Variants in ERC1 observed in about 807,000 individuals in gnomAD.
ERC1 encodes ELKS/RAB6-interacting/CAST family member 1.
In ERC1, 56 loss-of-function variants were observed where a neutral mutation model predicts 132.0. The ratio of observed to expected loss-of-function variants is 0.42; its 90% CI spans 0.34 to 0.53. The LOEUF is 0.53. ERC1 is among the 20% of genes least tolerant of loss of function. ERC1 has a pLI of 0.03. For synonymous variants in ERC1, 478 were observed against 476.1 expected (o/e 1.00, Z -0.05); for missense variants, 1,202 against 1,349.9 (o/e 0.89, Z 1.72).
intron 2 of ERC1, among the ~76,000 whole-genome samples, chr12:1,065,498 G>GTGTGTGTA (rs1938971098): frequency 7.0e-6 from 1 of 142,584 alleles, no homozygotes; most frequent in Admixed American, 8.3e-5. Context: ...GTGTGTGTGT[G>GTGTGTGTA]TGTGTGTGTG....
intron 2 of ERC1, among the ~76,000 whole-genome samples, chr12:1,033,567 G>A (rs1473262602): frequency 2.6e-5 from 4 of 151,742 alleles, no homozygotes; most frequent in Admixed American, 6.6e-5. Flanking sequence ...GGGTTCAAGC[G>A]ATTCTTCTGC....
chr12:1,019,652 T>C (rs1966037532), intron 1 of ERC1, among the ~76,000 whole-genome samples: 1 of 152,180 alleles, frequency 6.6e-6, no homozygotes, highest in East Asian at 1.9e-4. Flanking sequence ...TGGAGAATCA[T>C]ATTAGAAGAT....
At chr12:1,230,382 A>G (rs2074937921) in intron 12 of ERC1, among the ~76,000 whole-genome samples, 1 of 152,098 alleles carries the variant, frequency 6.6e-6, no homozygotes, top group African/African-American at 2.4e-5. Flanking sequence ...TGTATTTGTG[A>G]ATTTTTAAAT....
rs1945692832 is a variant in ERC1, at chr12:1,110,134, T to C, written c.1162-58T>C. ...TGTAACTTCTTTAAATATCATGTTA[T>C]TCAGCTTTTCTGGGTTTTTGTGAAT... On this transcript the variant is annotated intron_variant, in intron 4 of 18. Coordinates refer to ENST00000360905, the MANE Select transcript of ERC1 (RefSeq NM_178040.4). 1.1e-5 allele frequency: 16 copies of C among 1,398,860 alleles called. No homozygotes were observed. In the South Asian group the frequency reaches 2.0e-4, roughly 18 times the overall value. The allele number at this position is 1,398,860 out of a possible 1,614,324, so 86.7% of individuals were successfully genotyped here.
chr12:1,190,638 C>A (rs1955625956), intron 12 of ERC1, among the ~76,000 whole-genome samples: 1 of 152,164 alleles, frequency 6.6e-6, no homozygotes, highest in Non-Finnish European at 1.5e-5. Flanking sequence ...TGTGTTTGAA[C>A]AGATCTAGGC....
At chr12:1,143,269 G>A (rs1950015409) in intron 8 of ERC1, among the ~76,000 whole-genome samples, 1 of 151,150 alleles carries the variant, frequency 6.6e-6, no homozygotes, top group Admixed American at 6.6e-5. Flanking sequence ...CTGGCCCTAA[G>A]CCATCTTCCC....
At chr12:1,091,440 G>A (rs184876632) in intron 3 of ERC1, among the ~76,000 whole-genome samples, 4 of 152,276 alleles carry the variant, frequency 2.6e-5, no homozygotes, top group African/African-American at 9.6e-5. Flanking sequence ...AGACCTCATA[G>A]GAAGGAGTTT....
At chr12:1,228,421 G>A (rs1003322706) in intron 12 of ERC1, among the ~76,000 whole-genome samples, 6 of 70,078 alleles carry the variant, frequency 8.6e-5, no homozygotes, top group African/African-American at 5.9e-4. Flanking sequence ...TACTATAATA[G>A]TTTTTAACAA....
At chr12:1,405,659 C>T (rs779559116) in intron 16 of ERC1, among the ~76,000 whole-genome samples, 13 of 152,116 alleles carry the variant, frequency 8.5e-5, no homozygotes, top group South Asian at 2.1e-4. Flanking sequence ...GCCAGGATCA[C>T]GCCATTGCAC....
intron 15 of ERC1, among the ~76,000 whole-genome samples, chr12:1,304,883 G>A (rs1460070976): frequency 7.4e-6 from 1 of 135,712 alleles, no homozygotes; most frequent in African/African-American, 2.7e-5. Flanking sequence ...TCCGCCTCCC[G>A]GGTTGACGCC....
intron 14 of ERC1, among the ~76,000 whole-genome samples, chr12:1,268,215 T>G (rs2077594961): frequency 6.6e-6 from 1 of 152,222 alleles, no homozygotes; most frequent in Non-Finnish European, 1.5e-5. Flanking sequence ...TTTTAGCAAT[T>G]TATTCTTTAC....
chr12:1,354,164 A>G (rs1276166618), intron 15 of ERC1, among the ~76,000 whole-genome samples: 1 of 151,956 alleles, frequency 6.6e-6, no homozygotes, highest in Non-Finnish European at 1.5e-5. Context: ...TCCTGATTGC[A>G]GGACTGTCAG....
At chr12:1,297,258 A>G (rs1331725621) in intron 15 of ERC1, among the ~76,000 whole-genome samples, 1 of 151,938 alleles carries the variant, frequency 6.6e-6, no homozygotes, top group African/African-American at 2.4e-5. Flanking sequence ...TCCTTTAAAA[A>G]CTAGGATTAA....
At chr12:1,305,833 A>G (rs2154347483) in intron 15 of ERC1, among the ~76,000 whole-genome samples, 1 of 152,110 alleles carries the variant, frequency 6.6e-6, no homozygotes, top group South Asian at 2.1e-4. Flanking sequence ...GATGGATTTG[A>G]TTGTTGCTTT....
intron 2 of ERC1, among the ~76,000 whole-genome samples, chr12:1,049,486 G>T (rs1971570365): frequency 6.6e-6 from 1 of 152,216 alleles, no homozygotes; most frequent in African/African-American, 2.4e-5. Context: ...GGGTGGTCTT[G>T]CTGTGGAGAT....
chr12:1,338,407 T>A lies in ERC1; in HGVS notation c.2781-33426T>A, dbSNP rs543021792. ...TCAGGTTGATTACATGTTTTTTCTT[T>A]GCTGGCTATTTTGTCTGTCAGCTCC... On this transcript the variant is annotated intron_variant, in intron 15 of 18. Coordinates refer to ENST00000360905, the MANE Select transcript of ERC1 (RefSeq NM_178040.4). 2.4e-3 allele frequency among the ~76,000 whole-genome samples: 363 copies of A among 152,356 alleles called. 5 individuals are homozygous for A. The highest frequency in any genetic ancestry group is 8.6e-3 in the African/African-American group (357 of 41,590).
chr12:1,276,973 G>A (rs987154607), intron 14 of ERC1, among the ~76,000 whole-genome samples: 3 of 152,214 alleles, frequency 2.0e-5, no homozygotes, highest in African/African-American at 7.2e-5. Flanking sequence ...ACTTAAAGGT[G>A]TCAGAATTGT....
intron 2 of ERC1, among the ~76,000 whole-genome samples, chr12:1,038,975 G>A (rs866175269): frequency 2.0e-5 from 3 of 151,432 alleles, no homozygotes; most frequent in Middle Eastern, 3.5e-3. Context: ...AGGCCAAGGT[G>A]GGCAGGTTAC....
intron 15 of ERC1, among the ~76,000 whole-genome samples, chr12:1,330,941 A>C (rs1210520982): frequency 6.6e-6 from 1 of 152,126 alleles, no homozygotes; most frequent in East Asian, 1.9e-4. Flanking sequence ...CTTCAGCTAC[A>C]TTCAATGTAC....
Sources: gnomAD v4.1 joint callset for allele counts (sites outside exome capture counted in the v4.1 genomes callset) on GRCh38, gnomAD v4.1.1 for gene constraint, MANE v1.5 for transcripts, NCBI Gene and HGNC (gene_info 2026-07-23, HGNC 2026-07-21) for gene names.